The following CACNA2D3 variants were observed in gnomAD, a reference collection of about 807,000 sequenced individuals.
CACNA2D3 encodes calcium voltage-gated channel auxiliary subunit alpha2delta 3.
CACNA2D3 carries 60 observed loss-of-function variants against 160.6 expected under a neutral mutation model. The observed-to-expected ratio is 0.37, with a 90% CI of 0.30 to 0.46. The LOEUF (loss-of-function observed/expected upper bound fraction) is 0.46. CACNA2D3 is among the 20% of genes least tolerant of loss of function. The probability of loss-of-function intolerance (pLI) is 1.00; values close to 1 mark genes in which losing one functional copy is unlikely to be tolerated. For missense variants in CACNA2D3, 1,205 were observed against 1,365.0 expected (o/e 0.88, Z 1.85); for synonymous variants, 558 against 492.9 (o/e 1.13, Z -1.75).
chr3:54,604,325 T>G (rs1223530016), intron 9 of CACNA2D3, among the ~76,000 whole-genome samples: 1 of 152,174 alleles, frequency 6.6e-6, no homozygotes, highest in Non-Finnish European at 1.5e-5. Flanking sequence ...AGACAGATAA[T>G]AAAGTATTGT....
chr3:54,460,339 G>A (rs1165009049), intron 4 of CACNA2D3, among the ~76,000 whole-genome samples: 4 of 152,126 alleles, frequency 2.6e-5, no homozygotes, highest in Admixed American at 1.3e-4. Context: ...GAAGGGGATG[G>A]CATTGAATCT....
At chr3:54,695,190 G>A (rs544823885) in intron 11 of CACNA2D3, among the ~76,000 whole-genome samples, 2 of 151,946 alleles carry the variant, frequency 1.3e-5, no homozygotes, top group Admixed American at 1.3e-4. Context: ...GCTAATTTTT[G>A]TATTTTTAGT....
At chr3:54,653,452 T>C (rs1201626308) in intron 11 of CACNA2D3, among the ~76,000 whole-genome samples, 11 of 152,282 alleles carry the variant, frequency 7.2e-5, no homozygotes, top group Admixed American at 2.6e-4. Context: ...TCTTCAAGGG[T>C]GATAAATCCT....
Position 54,131,943 on chromosome 3 carries a change from C to T in CACNA2D3, c.204+8349C>T, listed in dbSNP as rs1027874370. ...ACATGTGCCATCCATAACGCCTTTT[C>T]CATTGTATTGTTTGAGGCAGAGGTG... On this transcript the variant is annotated intron_variant, in intron 2 of 37. Coordinates refer to ENST00000474759, the MANE Select transcript of CACNA2D3 (RefSeq NM_018398.3). Among the ~76,000 whole-genome samples the T allele has an allele frequency of 2.0e-5, 3 of 152,150 alleles. No individual in the cohort carries two copies. The South Asian group carries it at 6.2e-4, about 32-fold the overall frequency.
rs113651713 is a variant in CACNA2D3 at position 55,025,941 on chromosome 3, CT to C, written c.2987+7635del. On this transcript the variant is annotated intron_variant, in intron 35 of 37. Coordinates refer to ENST00000474759, the MANE Select transcript of CACNA2D3 (RefSeq NM_018398.3). ...ACAGAAATGGGGACTTGGGTTTTTT[CT>C]TTTTTTTTTTAGTAAACATTTGATT... Among the ~76,000 whole-genome samples the C allele has an allele frequency of 3.0e-3, 442 of 144,922 alleles. 1 individual carries two copies. The highest frequency in any genetic ancestry group is 9.0e-3 in the African/African-American group (358 of 39,862).
chr3:54,681,024 C>G (rs1700336146), intron 11 of CACNA2D3, among the ~76,000 whole-genome samples: 1 of 151,898 alleles, frequency 6.6e-6, no homozygotes, highest in Non-Finnish European at 1.5e-5. Context: ...GAGAACATGG[C>G]TTTTTCATTG....
intron 3 of CACNA2D3, among the ~76,000 whole-genome samples, chr3:54,345,854 T>G (rs1023506735): frequency 3.3e-5 from 5 of 151,294 alleles, no homozygotes; most frequent in Non-Finnish European, 5.9e-5. Flanking sequence ...TTAAAAAAAT[T>G]GCATGTGTAG....
intron 2 of CACNA2D3, among the ~76,000 whole-genome samples, chr3:54,207,486 T>C (rs1439267552): frequency 7.1e-6 from 1 of 140,464 alleles, no homozygotes; most frequent in Non-Finnish European, 1.5e-5. Context: ...CTTGGACTTA[T>C]TGGTAGGTAT....
intron 10 of CACNA2D3, among the ~76,000 whole-genome samples, chr3:54,636,582 C>T (rs1242494466): frequency 6.6e-6 from 1 of 151,992 alleles, no homozygotes; most frequent in African/African-American, 2.4e-5. Context: ...TGCACGCAGA[C>T]ATGAGGGCTA....
At chr3:54,289,237 A>G (rs1703119037) in intron 2 of CACNA2D3, among the ~76,000 whole-genome samples, 1 of 151,870 alleles carries the variant, frequency 6.6e-6, no homozygotes, top group South Asian at 2.1e-4. Context: ...ATGCACAAAA[A>G]TCACAAGCAT....
chr3:54,853,615 C>A (rs1274648507), intron 17 of CACNA2D3, among the ~76,000 whole-genome samples: 1 of 152,124 alleles, frequency 6.6e-6, no homozygotes, highest in African/African-American at 2.4e-5. Context: ...AGGTCTCTGC[C>A]CACAAGAAGC....
chr3:54,242,413 A>G (rs1701990553), intron 2 of CACNA2D3, among the ~76,000 whole-genome samples: 1 of 152,256 alleles, frequency 6.6e-6, no homozygotes, highest in Admixed American at 6.5e-5. Context: ...ACTGCACTCC[A>G]GCCTGGGGGA....
chr3:54,523,393 T>C (rs1180751882), intron 5 of CACNA2D3, among the ~76,000 whole-genome samples: 1 of 152,166 alleles, frequency 6.6e-6, no homozygotes, highest in Non-Finnish European at 1.5e-5. Flanking sequence ...GGGATAAATC[T>C]CATTTGGTTA....
chr3:54,526,893 G>A (rs924692144), intron 5 of CACNA2D3, among the ~76,000 whole-genome samples: 4 of 152,216 alleles, frequency 2.6e-5, no homozygotes, highest in Admixed American at 6.5e-5. Flanking sequence ...GTTTCACCAT[G>A]TTGGTTAGGC....
intron 11 of CACNA2D3, among the ~76,000 whole-genome samples, chr3:54,646,144 T>TCCCTCCC (rs1559537855): frequency 3.3e-5 from 1 of 30,284 alleles, no homozygotes; most frequent in Non-Finnish European, 7.9e-5. Flanking sequence ...CCTTCCTTCC[T>TCCCTCCC]TCCTTCCCTC....
intron 11 of CACNA2D3, among the ~76,000 whole-genome samples, chr3:54,741,976 G>A (rs181952161): frequency 2.6e-4 from 39 of 151,788 alleles, no homozygotes; most frequent in East Asian, 2.1e-3. Context: ...TACTGCCCCC[G>A]ACAATTCAGT....
intron 31 of CACNA2D3, among the ~76,000 whole-genome samples, chr3:54,997,089 T>A (rs1367333231): frequency 6.6e-6 from 1 of 152,018 alleles, no homozygotes; most frequent in Non-Finnish European, 1.5e-5. Flanking sequence ...GGTTGATGGG[T>A]GTAGCAAACC....
intron 11 of CACNA2D3, among the ~76,000 whole-genome samples, chr3:54,657,284 T>C (rs1205127776): frequency 1.3e-5 from 2 of 152,224 alleles, no homozygotes; most frequent in African/African-American, 2.4e-5. Context: ...TAGCTTGGGC[T>C]CAGAGGCCTG....
intron 14 of CACNA2D3, among the ~76,000 whole-genome samples, chr3:54,827,174 T>C (rs1456267023): frequency 6.6e-6 from 1 of 152,220 alleles, no homozygotes; most frequent in Non-Finnish European, 1.5e-5. Flanking sequence ...AAGACTCAGA[T>C]CTCTACTCTG....
Sources: allele counts gnomAD v4.1 joint callset (sites outside exome capture counted in the v4.1 genomes callset), GRCh38; gene constraint gnomAD v4.1.1; transcripts MANE v1.5; gene names NCBI Gene and HGNC (gene_info 2026-07-23, HGNC 2026-07-21).